GRIK2: variants seen among roughly 807,000 people sequenced by gnomAD.
GRIK2 encodes glutamate receptor ionotropic, kainate 2.
A neutral mutation model predicts 100.3 loss-of-function variants in GRIK2; 32 were observed. The observed-to-expected ratio is 0.32, with a 90% CI of 0.24 to 0.43. GRIK2 has a LOEUF of 0.43. GRIK2 is among the 20% of genes least tolerant of loss of function. The pLI is 1.00. For missense variants in GRIK2, 843 were observed against 1,114.9 expected (o/e 0.76, Z 3.47); for synonymous variants, 417 against 389.4 (o/e 1.07, Z -0.83).
At chr6:101,743,376 T>A (rs568910497) in intron 7 of GRIK2, among the ~76,000 whole-genome samples, 1 of 152,346 alleles carries the variant, frequency 6.6e-6, no homozygotes, top group Admixed American at 6.5e-5. Flanking sequence ...CCAGATGGGT[T>A]AAGTTTGGTG....
chr6:101,534,216 G>A (rs918497347), intron 2 of GRIK2, among the ~76,000 whole-genome samples: 1 of 151,486 alleles, frequency 6.6e-6, no homozygotes, highest in East Asian at 1.9e-4. Context: ...TTGCAACTAT[G>A]CATCTCCTAT....
At chr6:101,735,974 A>T (rs960268564) in intron 7 of GRIK2, among the ~76,000 whole-genome samples, 1 of 152,214 alleles carries the variant, frequency 6.6e-6, no homozygotes, top group Admixed American at 6.5e-5. Context: ...GGGTAAATAC[A>T]GTCATTCCAA....
chr6:101,895,183 A>G (rs779286482), intron 12 of GRIK2, among the ~76,000 whole-genome samples: 1 of 151,812 alleles, frequency 6.6e-6, no homozygotes, highest in African/African-American at 2.4e-5. Context: ...TAGCTAGAAG[A>G]GTAAATCAAA....
rs539809983 is a variant in GRIK2 at position 101,805,717 on chromosome 6, G to T, written c.1203+3279G>T. Among the ~76,000 whole-genome samples, 359 of 152,058 alleles carry T rather than the reference G, an allele frequency of 2.4e-3. 2 individuals are homozygous for T. The highest frequency in any genetic ancestry group is 0.013 in the South Asian group (61 of 4,820). ...TTAGACTTATAAAATTATAAGATTG[G>T]GCAGTAATAAGTGCTGAAAAGAAGG... On this transcript the variant is annotated intron_variant, in intron 9 of 16. Transcript: ENST00000369134.
At chr6:101,618,072 T>A (rs750687925) in intron 2 of GRIK2, among the ~76,000 whole-genome samples, 1 of 151,760 alleles carries the variant, frequency 6.6e-6, no homozygotes, top group Admixed American at 6.6e-5. Context: ...AAGTCTAATA[T>A]GTCACATTTT....
At chr6:101,605,657 G>A (rs1441677263) in intron 2 of GRIK2, among the ~76,000 whole-genome samples, 1 of 151,990 alleles carries the variant, frequency 6.6e-6, no homozygotes, top group African/African-American at 2.4e-5. Context: ...CGGCCTAGGT[G>A]ACAAGAGTAA....
At chr6:101,398,403 C>T (rs1295328556) in intron 1 of GRIK2, among the ~76,000 whole-genome samples, 1 of 152,120 alleles carries the variant, frequency 6.6e-6, no homozygotes, top group Non-Finnish European at 1.5e-5. Flanking sequence ...AGGAATACCC[C>T]AGTCAAGTTT....
At chr6:101,443,725 G>A (rs981018769) in intron 2 of GRIK2, among the ~76,000 whole-genome samples, 2 of 151,860 alleles carry the variant, frequency 1.3e-5, no homozygotes, top group African/African-American at 4.8e-5. Flanking sequence ...CTGAATCAAG[G>A]TAATAGTTTT....
intron 4 of GRIK2, among the ~76,000 whole-genome samples, chr6:101,660,260 A>G (rs1244702895): frequency 6.6e-6 from 1 of 151,514 alleles, no homozygotes; most frequent in Non-Finnish European, 1.5e-5. Context: ...CACTTGTTTG[A>G]TTCAGCTATT....
chr6:101,755,979 T>C (rs2082204317), intron 7 of GRIK2, among the ~76,000 whole-genome samples: 1 of 152,210 alleles, frequency 6.6e-6, no homozygotes, highest in Admixed American at 6.5e-5. Flanking sequence ...AGGAATACTT[T>C]CTGTTAAGAG....
chr6:101,609,786 A>T (rs1779592909), intron 2 of GRIK2, among the ~76,000 whole-genome samples: 1 of 151,796 alleles, frequency 6.6e-6, no homozygotes, highest in Non-Finnish European at 1.5e-5. Context: ...CATGTATGGT[A>T]ATAGAAGGTT....
At chr6:101,545,622 T>G (rs533686479) in intron 2 of GRIK2, among the ~76,000 whole-genome samples, 3 of 152,256 alleles carry the variant, frequency 2.0e-5, no homozygotes, top group African/African-American at 7.2e-5. Flanking sequence ...AATATGGAAA[T>G]ATACTGTGAA....
At chr6:101,417,124 G>A (rs1384126857) in intron 2 of GRIK2, among the ~76,000 whole-genome samples, 1 of 152,206 alleles carries the variant, frequency 6.6e-6, no homozygotes, top group Non-Finnish European at 1.5e-5. Flanking sequence ...GCTACTGGCA[G>A]CAGGCACGAG....
At chr6:101,821,906 A>G (rs1781978425) in intron 10 of GRIK2, among the ~76,000 whole-genome samples, 2 of 152,052 alleles carry the variant, frequency 1.3e-5, no homozygotes, top group African/African-American at 4.8e-5. Context: ...CCATATCCCT[A>G]TCATGGGAAG....
chr6:101,949,478 T>TAAG (rs1791480005), intron 14 of GRIK2, among the ~76,000 whole-genome samples: 1 of 152,068 alleles, frequency 6.6e-6, no homozygotes, highest in Non-Finnish European at 1.5e-5. Context: ...TCATCTACAT[T>TAAG]AAGTATTTCT....
At chr6:101,537,798 A>G (rs983547609) in intron 2 of GRIK2, among the ~76,000 whole-genome samples, 9 of 151,926 alleles carry the variant, frequency 5.9e-5, no homozygotes, top group Middle Eastern at 3.4e-3. Context: ...ACTGTTTTAC[A>G]TATGCCACTG....
intron 5 of GRIK2, among the ~76,000 whole-genome samples, chr6:101,680,014 A>G (rs1771126689): frequency 6.6e-6 from 1 of 152,160 alleles, no homozygotes; most frequent in Non-Finnish European, 1.5e-5. Context: ...CTGGGATTAC[A>G]GGCATGAGCC....
intron 2 of GRIK2, among the ~76,000 whole-genome samples, chr6:101,580,069 T>C (rs974045182): frequency 2.6e-5 from 4 of 152,120 alleles, no homozygotes; most frequent in African/African-American, 9.7e-5. Flanking sequence ...TCTACAACTT[T>C]TTTTCTCAAA....
intron 10 of GRIK2, among the ~76,000 whole-genome samples, chr6:101,820,664 G>A (rs545220985): frequency 7.2e-5 from 11 of 152,178 alleles, no homozygotes; most frequent in African/African-American, 1.4e-4. Flanking sequence ...GGATGGTCTC[G>A]ATCTCTTGAC....
Sources: allele counts gnomAD v4.1 joint callset (sites outside exome capture counted in the v4.1 genomes callset), GRCh38; gene constraint gnomAD v4.1.1; transcripts MANE v1.5; gene names NCBI Gene and HGNC (gene_info 2026-07-23, HGNC 2026-07-21).